CNTN1: variants seen among roughly 807,000 people sequenced by gnomAD.
The protein encoded by CNTN1 is contactin 1, also known as contactin-1.
Under a neutral mutation model 126.4 loss-of-function variants are expected in CNTN1, and 38 were observed. The observed-to-expected ratio is 0.30, with a 90% CI of 0.23 to 0.39. CNTN1 has a LOEUF of 0.39. CNTN1 is among the 10% of genes least tolerant of loss of function. The pLI, the probability that CNTN1 is intolerant of heterozygous loss-of-function variation, is 1.00. For missense variants in CNTN1, 1,009 were observed against 1,248.4 expected (o/e 0.81, Z 2.89); for synonymous variants, 413 against 422.6 (o/e 0.98, Z 0.28).
At chr12:40,818,952 G>T (rs1334087430) in intron 1 of CNTN1, among the ~76,000 whole-genome samples, 1 of 152,092 alleles carries the variant, frequency 6.6e-6, no homozygotes, top group Non-Finnish European at 1.5e-5. Context: ...TAGGGCTGCT[G>T]CAGTTTGCCG....
intron 1 of CNTN1, among the ~76,000 whole-genome samples, chr12:40,903,107 G>C (rs941907880): frequency 6.6e-6 from 1 of 152,222 alleles, no homozygotes; most frequent in Non-Finnish European, 1.5e-5. Context: ...AATTAACAGA[G>C]TGCCAGTCCA....
At chr12:41,014,189 T>G (rs918404388) in intron 17 of CNTN1, 39 bp from the exon 18 acceptor site, 5 of 1,600,698 alleles carry the variant, frequency 3.1e-6, no homozygotes, top group Non-Finnish European at 4.3e-6. Flanking sequence ...AGGCCCTCTT[T>G]TTGTTGTTGT....
intron 1 of CNTN1, among the ~76,000 whole-genome samples, chr12:40,707,046 G>GCACACACA (rs59993134): frequency 2.0e-5 from 3 of 149,316 alleles, no homozygotes; most frequent in African/African-American, 7.4e-5. Flanking sequence ...GCGCGCTTGC[G>GCACACACA]CACACACACA....
chr12:40,990,692 A>G (rs1176035291), intron 16 of CNTN1, among the ~76,000 whole-genome samples: 1 of 152,198 alleles, frequency 6.6e-6, no homozygotes, highest in African/African-American at 2.4e-5. Flanking sequence ...CAGTCAATCA[A>G]CTGCAGCTTC....
chr12:40,871,924 A>G (rs1423593509), intron 1 of CNTN1, among the ~76,000 whole-genome samples: 1 of 152,142 alleles, frequency 6.6e-6, no homozygotes, highest in African/African-American at 2.4e-5. Context: ...CTAGAAATGG[A>G]AGGTATTTCT....
intron 1 of CNTN1, among the ~76,000 whole-genome samples, chr12:40,754,936 C>T (rs186262923): frequency 2.0e-3 from 299 of 151,888 alleles, no homozygotes; most frequent in Admixed American, 2.6e-3. Flanking sequence ...AGGCTGGGTG[C>T]TGTAATCCCG....
intron 17 of CNTN1, among the ~76,000 whole-genome samples, chr12:41,004,135 T>A (rs1948434329): frequency 2.6e-5 from 4 of 152,208 alleles, no homozygotes; most frequent in African/African-American, 9.6e-5. Flanking sequence ...GATTCTGGTA[T>A]GTTGTATCTT....
intron 1 of CNTN1, among the ~76,000 whole-genome samples, chr12:40,846,946 C>T (rs1942530949): frequency 6.6e-6 from 1 of 152,126 alleles, no homozygotes; most frequent in African/African-American, 2.4e-5. Context: ...CGGCTCACTG[C>T]ATCCTCCGCC....
intron 16 of CNTN1, among the ~76,000 whole-genome samples, chr12:40,992,636 T>C (rs1948120925): frequency 6.6e-6 from 1 of 152,190 alleles, no homozygotes; most frequent in Non-Finnish European, 1.5e-5. Context: ...GATTTGAGTA[T>C]AAATCTATAA....
intron 19 of CNTN1, among the ~76,000 whole-genome samples, chr12:41,020,000 G>GT (rs146697946): frequency 1.7e-4 from 25 of 150,766 alleles, no homozygotes; most frequent in Non-Finnish European, 2.7e-4. Flanking sequence ...TAAAAAAATA[G>GT]TTTTTTTTTG....
chr12:40,779,668 G>T (rs1939717358), intron 1 of CNTN1, among the ~76,000 whole-genome samples: 2 of 151,828 alleles, frequency 1.3e-5, no homozygotes, highest in Admixed American at 6.6e-5. Context: ...ATTATTGACT[G>T]TAAAACAGTT....
chr12:41,001,763 C>T (rs1284556543), intron 17 of CNTN1, among the ~76,000 whole-genome samples: 1 of 152,134 alleles, frequency 6.6e-6, no homozygotes, highest in Non-Finnish European at 1.5e-5. Context: ...TGAGATTTTA[C>T]ATTTATGTCT....
intron 1 of CNTN1, among the ~76,000 whole-genome samples, chr12:40,751,536 G>A: frequency 6.6e-6 from 1 of 152,036 alleles, no homozygotes; most frequent in Non-Finnish European, 1.5e-5. Context: ...GGGCACTGCA[G>A]AGCTAAGAGA....
At chr12:40,884,370 T>C (rs11178887) in intron 1 of CNTN1, among the ~76,000 whole-genome samples, 37,709 of 151,300 alleles carry the variant, frequency 0.25, 4,975 homozygotes, top group South Asian at 0.35. Flanking sequence ...TTATAAAGCA[T>C]TTGAAAGTGT....
intron 16 of CNTN1, among the ~76,000 whole-genome samples, chr12:40,982,443 GAAATACTA>G (rs1947844347): frequency 6.6e-6 from 1 of 152,062 alleles, no homozygotes; most frequent in Admixed American, 6.6e-5. Flanking sequence ...CCTGAAAAAA[GAAATACTA>G]ATTGCAATCA....
chr12:40,822,718 TATAGAATAAGGTA>T (rs1941491480), intron 1 of CNTN1, among the ~76,000 whole-genome samples: 1 of 152,190 alleles, frequency 6.6e-6, no homozygotes, highest in Non-Finnish European at 1.5e-5. Context: ...AAAAAAAATC[TATAGAATAAGGTA>T]ATAGCATCTT....
In CNTN1 at chr12:40,980,980, C is replaced by T. The variant is rs563858684; in HGVS notation, c.1876C>T (p.Arg626Cys). Residue 626 changes from arginine to cysteine, a missense_variant, in exon 16 of 24, where the codon CGT becomes TGT. Coordinates refer to ENST00000551295, the MANE Select transcript of CNTN1 (RefSeq NM_001843.4). ...CACTTCTGTGGCACTTACTTGGAGC[C>T]GTGGTTCAGACAATCATAGTCCTAT... ...RATSVALTWSRGSDNHSPISK... is the reference protein window; with the variant it reads ...RATSVALTWSCGSDNHSPISK... 1.9e-5 allele frequency: 31 copies of T among 1,613,810 alleles called. No individual in the cohort carries two copies. In the East Asian group the frequency reaches 3.6e-4, roughly 19 times the overall value.
At chr12:40,774,015 C>G (rs1227686819) in intron 1 of CNTN1, among the ~76,000 whole-genome samples, 1 of 151,318 alleles carries the variant, frequency 6.6e-6, no homozygotes, top group Non-Finnish European at 1.5e-5. Flanking sequence ...TTGACTTGTT[C>G]TCATTGGTTG....
At chr12:40,698,228 A>ATTTTTTTTTTTTTTTTTTTGTTTT (rs1941501566) in intron 1 of CNTN1, among the ~76,000 whole-genome samples, 1 of 69,884 alleles carries the variant, frequency 1.4e-5, no homozygotes, top group African/African-American at 5.8e-5. Flanking sequence ...CAGCCACTTA[A>ATTTTTTTTTTTTTTTTTTTGTTTT]TTTTTTTTTT....
Sources: allele counts gnomAD v4.1 joint callset (sites outside exome capture counted in the v4.1 genomes callset), GRCh38; gene constraint gnomAD v4.1.1; transcripts MANE v1.5; gene names NCBI Gene and HGNC (gene_info 2026-07-23, HGNC 2026-07-21).